SND1: variants seen among roughly 807,000 people sequenced by gnomAD.
SND1 encodes the protein staphylococcal nuclease domain-containing protein 1.
Under a neutral mutation model 121.7 loss-of-function variants are expected in SND1, and 38 were observed. The observed-to-expected ratio is 0.31, with a 90% CI of 0.24 to 0.41. SND1 has a LOEUF of 0.41. SND1 is among the 10% of genes least tolerant of loss of function. The probability of loss-of-function intolerance (pLI) is 1.00; values close to 1 mark genes in which losing one functional copy is unlikely to be tolerated. For synonymous variants in SND1, 401 were observed against 447.4 expected (o/e 0.90, Z 1.31); for missense variants, 868 against 1,184.6 (o/e 0.73, Z 3.92).
At chr7:127,764,489 C>T (rs1584555653) in intron 10 of SND1, among the ~76,000 whole-genome samples, 2 of 152,342 alleles carry the variant, frequency 1.3e-5, no homozygotes, top group East Asian at 3.9e-4. Flanking sequence ...CTGCTGAAGG[C>T]TTCCTCTGCC....
chr7:127,892,033 A>T (rs1192991568), intron 13 of SND1, among the ~76,000 whole-genome samples: 1 of 151,934 alleles, frequency 6.6e-6, no homozygotes, highest in Non-Finnish European at 1.5e-5. Flanking sequence ...GACTTCTTTG[A>T]CCCTGGTTAT....
chr7:127,825,765 A>C (rs935981290), intron 11 of SND1, among the ~76,000 whole-genome samples: 3 of 152,222 alleles, frequency 2.0e-5, no homozygotes. Context: ...TCTGATTATA[A>C]AAGCAATATA....
At chr7:127,994,612 C>T (rs1426834674) in intron 16 of SND1, among the ~76,000 whole-genome samples, 1 of 144,972 alleles carries the variant, frequency 6.9e-6, no homozygotes, top group Non-Finnish European at 1.5e-5. Context: ...TCTTTCTAGC[C>T]TGACTCCGCT....
At chr7:128,017,667 C>T (rs923995423) in intron 16 of SND1, among the ~76,000 whole-genome samples, 2 of 152,246 alleles carry the variant, frequency 1.3e-5, no homozygotes, top group Admixed American at 1.3e-4. Context: ...CCTGTTCCAA[C>T]TCCAGCAGCA....
At chr7:128,021,739 T>C (rs73721281) in intron 16 of SND1, among the ~76,000 whole-genome samples, 2,108 of 152,212 alleles carry the variant, frequency 0.014, 56 homozygotes, top group African/African-American at 0.048. Context: ...AGAGGAAATA[T>C]CATGAGAAAT....
At chr7:127,766,543 A>C (rs1181256604) in intron 10 of SND1, among the ~76,000 whole-genome samples, 1 of 152,128 alleles carries the variant, frequency 6.6e-6, no homozygotes, top group Non-Finnish European at 1.5e-5. Flanking sequence ...TGGGAGGCCA[A>C]GGCGGGCGAA....
At chr7:128,080,372 T>C (rs1793577007) in intron 17 of SND1, among the ~76,000 whole-genome samples, 1 of 152,126 alleles carries the variant, frequency 6.6e-6, no homozygotes, top group African/African-American at 2.4e-5. Flanking sequence ...GCACAGGGCT[T>C]TGGGGAAGGA....
At chr7:127,844,030 T>C (rs1317280875) in intron 11 of SND1, among the ~76,000 whole-genome samples, 2 of 152,244 alleles carry the variant, frequency 1.3e-5, no homozygotes, top group Non-Finnish European at 2.9e-5. Context: ...TTGTATGTAT[T>C]CTTTAGTAAG....
chr7:128,012,536 CTCCCCCCA>C (rs781713715), intron 16 of SND1, among the ~76,000 whole-genome samples: 1 of 152,200 alleles, frequency 6.6e-6, no homozygotes, highest in Non-Finnish European at 1.5e-5. Context: ...AAACTTGTAC[CTCCCCCCA>C]TTCCCAGGAG....
At chr7:127,970,140 G>GT (rs1345216330) in intron 15 of SND1, among the ~76,000 whole-genome samples, 3 of 152,026 alleles carry the variant, frequency 2.0e-5, no homozygotes, top group East Asian at 1.9e-4. Flanking sequence ...TATTTCCTAT[G>GT]TTTTTTTAAA....
At chr7:127,865,572 C>T (rs1179441993) in intron 12 of SND1, among the ~76,000 whole-genome samples, 1 of 152,014 alleles carries the variant, frequency 6.6e-6, no homozygotes, top group African/African-American at 2.4e-5. Context: ...CTCTAAGGGA[C>T]TGTCTTGATT....
At chr7:127,756,203 G>C (rs1395345421) in intron 10 of SND1, among the ~76,000 whole-genome samples, 1 of 152,208 alleles carries the variant, frequency 6.6e-6, no homozygotes, top group Non-Finnish European at 1.5e-5. Flanking sequence ...AGTTGGGAGA[G>C]TGCTAGGGCC....
chr7:128,044,074 A>G (rs1194808325), intron 16 of SND1, among the ~76,000 whole-genome samples: 1 of 152,224 alleles, frequency 6.6e-6, no homozygotes, highest in African/African-American at 2.4e-5. Flanking sequence ...ATGTGGCCCC[A>G]GCCAAGGACT....
In SND1 at chr7:127,908,317, AATGT is replaced by A. The variant is rs1253711187; in HGVS notation, c.1527+3499_1527+3502del. ...CTCTACCAAAAAAAAAATAATAATA[AATGT>A]GTGTGTGTGTGTGTGTGTGTGTGTG... On this transcript the variant is annotated intron_variant, in intron 14 of 23. Transcript: ENST00000354725. 3.8e-5 allele frequency among the ~76,000 whole-genome samples: 3 copies of A among 78,728 alleles called. 1 individual carries two copies. The highest frequency in any genetic ancestry group is 3.0e-4 in the Admixed American group (2 of 6,724). The allele number at this position is 78,728 out of a possible 152,430, so 51.6% of individuals were successfully genotyped here.
intron 18 of SND1, 96 bp from the exon 19 acceptor site, chr7:128,084,628 A>G: frequency 7.3e-7 from 1 of 1,376,932 alleles, no homozygotes; most frequent in Non-Finnish European, 9.7e-7. Flanking sequence ...CCAGAATTTT[A>G]CATTGAGCTC....
chr7:127,753,397 T>C (rs1316573322), intron 10 of SND1, among the ~76,000 whole-genome samples: 1 of 152,108 alleles, frequency 6.6e-6, no homozygotes, highest in Non-Finnish European at 1.5e-5. Context: ...GAGGCAGATG[T>C]TGTTTGTAGG....
At chr7:128,004,658 C>T (rs1272175415) in intron 16 of SND1, among the ~76,000 whole-genome samples, 3 of 152,216 alleles carry the variant, frequency 2.0e-5, no homozygotes, top group South Asian at 4.1e-4. Flanking sequence ...CAGTCTTTGC[C>T]GCTCTGGTTG....
At chr7:128,057,721 T>A (rs1191745484) in intron 16 of SND1, among the ~76,000 whole-genome samples, 1 of 152,096 alleles carries the variant, frequency 6.6e-6, no homozygotes, top group Non-Finnish European at 1.5e-5. Context: ...GATTGTAGTC[T>A]TTCAGCTGAC....
chr7:128,089,753 G>A, intron 22 of SND1, 61 bp downstream of exon 22: 2 of 1,460,660 alleles, frequency 1.4e-6, no homozygotes, highest in Non-Finnish European at 1.9e-6. Context: ...GAAAGGGACT[G>A]TTCCACAAGC....
Sources: allele counts gnomAD v4.1 joint callset (sites outside exome capture counted in the v4.1 genomes callset), GRCh38; gene constraint gnomAD v4.1.1; transcripts MANE v1.5; gene names NCBI Gene and HGNC (gene_info 2026-07-23, HGNC 2026-07-21).